Variants in AGO3 observed in about 807,000 individuals in gnomAD.
The protein encoded by AGO3 is argonaute RISC catalytic component 3.
In AGO3, 16 loss-of-function variants were observed where a neutral mutation model predicts 105.5. That is an observed-to-expected ratio of 0.15 (90% CI 0.10 to 0.23). The LOEUF is 0.23. Ranked by LOEUF, AGO3 falls within the 10% of genes least tolerant of loss-of-function variation. The pLI is 1.00. For synonymous variants in AGO3, 340 were observed against 367.3 expected, an observed-to-expected ratio of 0.93 and a Z score of 0.85; for missense variants, 534 against 1,088.0, an observed-to-expected ratio of 0.49 and a Z score of 7.16.
intron 1 of AGO3, among the ~76,000 whole-genome samples, chr1:35,943,942 GT>G (rs1320614343): frequency 6.6e-6 from 1 of 152,150 alleles, no homozygotes; most frequent in Non-Finnish European, 1.5e-5. Context: ...AGTTAATCAT[GT>G]TTTAGTGTGT....
chr1:35,990,772 A>G (rs1647565580), intron 5 of AGO3, among the ~76,000 whole-genome samples: 1 of 152,356 alleles, frequency 6.6e-6, no homozygotes, highest in African/African-American at 2.4e-5. Context: ...TGCTTACTTC[A>G]TGTATTTGTC....
intron 5 of AGO3, among the ~76,000 whole-genome samples, chr1:35,976,261 C>A (rs1328049338): frequency 2.6e-5 from 4 of 152,080 alleles, no homozygotes; most frequent in Non-Finnish European, 5.9e-5. Flanking sequence ...AGGATATTTT[C>A]TCCTTTTTGT....
chr1:36,004,594 T>C, intron 6 of AGO3, 119 bp downstream of exon 6: 1 of 882,300 alleles, frequency 1.1e-6, no homozygotes, highest in Non-Finnish European at 1.5e-6. Context: ...AAACTATACA[T>C]CAATTATAAA....
intron 2 of AGO3, among the ~76,000 whole-genome samples, chr1:35,955,905 T>C (rs1019456597): frequency 1.3e-5 from 2 of 152,132 alleles, no homozygotes; most frequent in African/African-American, 4.8e-5. Flanking sequence ...TTAACTCTTA[T>C]GTGTTGCAGA....
In AGO3 at chr1:36,055,525, AGTCTC is replaced by A; in HGVS notation, c.2475-111_2475-107del. 2.0e-6 allele frequency: 2 copies of A among 978,672 alleles called. No homozygotes were observed. Among genetic ancestry groups the A allele is most frequent in the Non-Finnish European group, 3.1e-6 (2 of 637,552 alleles). The allele number at this position is 978,672 out of a possible 1,614,324, so 60.6% of individuals were successfully genotyped here. A position where few individuals can be genotyped will look rare whatever the true frequency, so the allele number is the denominator to read the frequency against. ...TGATGGACACATAGATTGTTACACC[AGTCTC>A]TTATTTGTTAATAATTTTGAAATTT... On this transcript the variant is annotated intron_variant, in intron 18 of 18. Transcript: ENST00000373191. The surrounding 1 kb of genome is among the most constrained non-coding windows in gnomAD (Gnocchi z 4.4).
intron 13 of AGO3, among the ~76,000 whole-genome samples, chr1:36,034,659 G>T (rs1641927021): frequency 6.6e-6 from 1 of 152,174 alleles, no homozygotes; most frequent in Non-Finnish European, 1.5e-5. Flanking sequence ...CATTTAGTAT[G>T]CAAAGTACCT....
chr1:36,046,518 C>T (rs1168618349), intron 17 of AGO3, among the ~76,000 whole-genome samples: 1 of 149,008 alleles, frequency 6.7e-6, no homozygotes, highest in Admixed American at 6.8e-5. Flanking sequence ...ATGGTGGAAC[C>T]CTGTCTCTAC....
intron 2 of AGO3, among the ~76,000 whole-genome samples, chr1:35,959,067 A>G (rs1007702794): frequency 3.3e-5 from 5 of 152,208 alleles, no homozygotes; most frequent in African/African-American, 7.2e-5. Context: ...GTGGATCTCT[A>G]TAAGCTTATA....
In AGO3 at chr1:35,978,595, C is replaced by T. The variant is rs116445285; in HGVS notation, c.658+5084C>T. Among the ~76,000 whole-genome samples the T allele has an allele frequency of 4.4e-3, 662 of 152,172 alleles. 2 individuals carry two copies. Among genetic ancestry groups the T allele is most frequent in the African/African-American group, 0.015 (627 of 41,506 alleles). On this transcript the variant is annotated intron_variant, in intron 5 of 18. Transcript: ENST00000373191. Reference sequence around the variant, plus strand: ...ATATCTGCCAACTTCCTCTTCCTTCCTGAAGTGTGTTTACAGACAGAGCAA... The same window carrying T: ...ATATCTGCCAACTTCCTCTTCCTTCTTGAAGTGTGTTTACAGACAGAGCAA...
chr1:36,044,054 G>A (rs2090145994), intron 17 of AGO3, among the ~76,000 whole-genome samples: 1 of 152,134 alleles, frequency 6.6e-6, no homozygotes, highest in Non-Finnish European at 1.5e-5. Context: ...ATGTGAAAGA[G>A]TTTAATTGGG....
chr1:35,950,791 C>T (rs146700242), intron 2 of AGO3, among the ~76,000 whole-genome samples: 11 of 152,072 alleles, frequency 7.2e-5, no homozygotes, highest in African/African-American at 2.4e-4. Context: ...TCTAAATACA[C>T]CTTGAATAGA....
intron 14 of AGO3, among the ~76,000 whole-genome samples, chr1:36,036,473 A>T (rs920750677): frequency 2.6e-5 from 4 of 152,120 alleles, no homozygotes; most frequent in African/African-American, 7.2e-5. Context: ...ATATTATTCA[A>T]ATCTTCTGTA....
upstream of AGO3, chr1:35,931,039 G>C (rs1406500769): frequency 2.7e-6 from 1 of 377,270 alleles, no homozygotes; most frequent in Admixed American, 4.6e-5. Flanking sequence ...CCAGAGGCGA[G>C]GCGAGGACGC....
intron 9 of AGO3, among the ~76,000 whole-genome samples, chr1:36,010,636 G>A (rs181889345): frequency 4.0e-5 from 6 of 151,380 alleles, no homozygotes; most frequent in Admixed American, 1.3e-4. Flanking sequence ...GGTCGGGTGC[G>A]GTGGCTCATG....
At chr1:35,986,130 AC>A in intron 5 of AGO3, among the ~76,000 whole-genome samples, 1 of 152,350 alleles carries the variant, frequency 6.6e-6, no homozygotes, top group East Asian at 1.9e-4. Flanking sequence ...TTGTAGTAGT[AC>A]CATTTGGTAC....
chr1:36,012,671 G>T (rs908833717), intron 9 of AGO3, among the ~76,000 whole-genome samples: 1 of 151,894 alleles, frequency 6.6e-6, no homozygotes, highest in African/African-American at 2.4e-5. Context: ...AATTTTAATA[G>T]AATGTATCCA....
At chr1:35,986,417 C>T (rs189643935) in intron 5 of AGO3, among the ~76,000 whole-genome samples, 1 of 152,308 alleles carries the variant, frequency 6.6e-6, no homozygotes, top group East Asian at 1.9e-4. Context: ...ACCCAGACAT[C>T]ATGGCTCATG....
chr1:36,016,284 C>T (rs1326968010), intron 11 of AGO3, among the ~76,000 whole-genome samples: 8 of 152,134 alleles, frequency 5.3e-5, no homozygotes, highest in East Asian at 3.9e-4. Context: ...CAGGTTCAAG[C>T]GGTTCTCCTG....
At chr1:36,052,379 T>C (rs1352458095) in intron 17 of AGO3, among the ~76,000 whole-genome samples, 1 of 151,280 alleles carries the variant, frequency 6.6e-6, no homozygotes, top group Non-Finnish European at 1.5e-5. Context: ...AAGTAGAGAG[T>C]AAAATAGTAG....
Sources: gnomAD v4.1 joint callset for allele counts (sites outside exome capture counted in the v4.1 genomes callset) on GRCh38, gnomAD v4.1.1 for gene constraint, Gnocchi (gnomAD v3.1) non-coding constraint, MANE v1.5 for transcripts, NCBI Gene and HGNC (gene_info 2026-07-23, HGNC 2026-07-21) for gene names.